Variants in DRC11 observed in about 807,000 individuals in gnomAD.
DRC11 encodes the protein IQ and AAA domain-containing protein 1.
At chr2:236,354,187 G>C in the DRC11 span, among the ~76,000 whole-genome samples, 176 of 151,734 alleles carry the variant, frequency 1.2e-3, no homozygotes, top group African/African-American at 3.8e-3. Flanking sequence ...GTATGTCTGT[G>C]GTCAATGTGT....
At chr2:236,416,759 ATATATATAT>A in the DRC11 span, among the ~76,000 whole-genome samples, 2 of 90,874 alleles carry the variant, frequency 2.2e-5, no homozygotes, top group African/African-American at 8.4e-5. Flanking sequence ...ATATATATAT[ATATATATAT>A]AAATAATTTT....
At chr2:236,498,863 T>A in the DRC11 span, among the ~76,000 whole-genome samples, 3 of 152,210 alleles carry the variant, frequency 2.0e-5, no homozygotes, top group Admixed American at 6.5e-5. Context: ...TTCAGGTGAT[T>A]TTTTTATTCT....
chr2:236,350,448 G>A, the DRC11 span, among the ~76,000 whole-genome samples: 1 of 152,232 alleles, frequency 6.6e-6, no homozygotes, highest in Non-Finnish European at 1.5e-5. The surrounding 1 kb of genome is among the most constrained non-coding windows in gnomAD (Gnocchi z 5.2). Flanking sequence ...TGAGGATAAC[G>A]ATACAACTGA....
chr2:236,428,646 T>C, the DRC11 span, among the ~76,000 whole-genome samples: 1 of 152,176 alleles, frequency 6.6e-6, no homozygotes, highest in South Asian at 2.1e-4. Flanking sequence ...AGTTAATCTC[T>C]TGTATGCAGC....
the DRC11 span, among the ~76,000 whole-genome samples, chr2:236,315,536 A>G: frequency 6.6e-6 from 1 of 152,236 alleles, no homozygotes; most frequent in Non-Finnish European, 1.5e-5. This position sits in a 1 kb window ranked among gnomAD's most constrained non-coding sequence, Gnocchi z 5.1. Flanking sequence ...TCATTCTATT[A>G]TAAAGATACA....
the DRC11 span, among the ~76,000 whole-genome samples, chr2:236,386,641 G>GT: frequency 4.6e-5 from 7 of 151,966 alleles, no homozygotes; most frequent in Admixed American, 3.9e-4. Flanking sequence ...TTTTTGAAGT[G>GT]TTTTTTGTGT....
the DRC11 span, among the ~76,000 whole-genome samples, chr2:236,309,568 T>C: frequency 6.6e-6 from 1 of 152,188 alleles, no homozygotes; most frequent in Non-Finnish European, 1.5e-5. This position sits in a 1 kb window ranked among gnomAD's most constrained non-coding sequence, Gnocchi z 5.7. Context: ...AACATTTACT[T>C]ACTGGAAATG....
At chr2:236,478,737 A>G in the DRC11 span, among the ~76,000 whole-genome samples, 1,458 of 151,248 alleles carry the variant, frequency 9.6e-3, 31 homozygotes, top group African/African-American at 0.033. This position sits in a 1 kb window ranked among gnomAD's most constrained non-coding sequence, Gnocchi z 5.9. Context: ...AGATATATTT[A>G]TAATTATTAT....
chr2:236,495,101 G>C, the DRC11 span, among the ~76,000 whole-genome samples: 34 of 152,172 alleles, frequency 2.2e-4, no homozygotes, highest in Non-Finnish European at 4.1e-4. This position sits in a 1 kb window ranked among gnomAD's most constrained non-coding sequence, Gnocchi z 5.6. Context: ...CCAGCACTTG[G>C]GGAGGCTGAG....
chr2:236,409,491 G>C, the DRC11 span, among the ~76,000 whole-genome samples: 20 of 152,220 alleles, frequency 1.3e-4, no homozygotes, highest in East Asian at 3.9e-3. Flanking sequence ...TTGCCTATCA[G>C]CTTAAAGAGA....
At chr2:236,393,759 T>C in the DRC11 span, among the ~76,000 whole-genome samples, 2 of 151,946 alleles carry the variant, frequency 1.3e-5, no homozygotes, top group African/African-American at 4.8e-5. The surrounding 1 kb of genome is among the most constrained non-coding windows in gnomAD (Gnocchi z 4.7). Context: ...TCAGAACTGG[T>C]GAATAGGCAG....
the DRC11 span, among the ~76,000 whole-genome samples, chr2:236,395,880 C>T: frequency 1.3e-5 from 2 of 152,144 alleles, no homozygotes; most frequent in Admixed American, 6.5e-5. Flanking sequence ...ACTAGATTCA[C>T]TAAAATCAGG....
chr2:236,445,408 C>T, the DRC11 span, among the ~76,000 whole-genome samples: 31 of 152,106 alleles, frequency 2.0e-4, no homozygotes, highest in African/African-American at 7.2e-4. This position sits in a 1 kb window ranked among gnomAD's most constrained non-coding sequence, Gnocchi z 4.8. Flanking sequence ...TATTGGCTCA[C>T]TGCAACCTCT....
the DRC11 span, among the ~76,000 whole-genome samples, chr2:236,316,045 T>C: frequency 6.6e-6 from 1 of 152,068 alleles, no homozygotes; most frequent in African/African-American, 2.4e-5. This position sits in a 1 kb window ranked among gnomAD's most constrained non-coding sequence, Gnocchi z 6.8. Context: ...GTCATAATCT[T>C]GAGGTAGGCA....
the DRC11 span, among the ~76,000 whole-genome samples, chr2:236,378,749 G>A: frequency 2.0e-5 from 3 of 151,642 alleles, no homozygotes; most frequent in African/African-American, 7.3e-5. Context: ...CTCAAGGGAT[G>A]GGACTCCGAG....
the DRC11 span, among the ~76,000 whole-genome samples, chr2:236,414,643 T>A: frequency 1.3e-5 from 2 of 152,284 alleles, no homozygotes; most frequent in Non-Finnish European, 2.9e-5. Context: ...TTTTGTGTTT[T>A]CTCTTCCACT....
chr2:236,498,431 T>C, the DRC11 span, among the ~76,000 whole-genome samples: 2 of 150,802 alleles, frequency 1.3e-5, no homozygotes, highest in South Asian at 2.1e-4. Context: ...TGCCGCTGCA[T>C]TCTAGCCTGG....
chr2:236,406,988 G>A, the DRC11 span, among the ~76,000 whole-genome samples: 6 of 152,030 alleles, frequency 3.9e-5, no homozygotes, highest in African/African-American at 7.2e-5. The surrounding 1 kb of genome is among the most constrained non-coding windows in gnomAD (Gnocchi z 4.7). Flanking sequence ...CTCGTGATCC[G>A]CCTGCCTCGG....
the DRC11 span, chr2:236,380,502 CG>C: frequency 7.8e-7 from 1 of 1,289,830 alleles, no homozygotes; most frequent in African/African-American, 1.5e-5. The surrounding 1 kb of genome is among the most constrained non-coding windows in gnomAD (Gnocchi z 4.9). Flanking sequence ...GGGGCGTACT[CG>C]GGGTTCCCTG....
Sources: allele counts gnomAD v4.1 joint callset (sites outside exome capture counted in the v4.1 genomes callset), GRCh38; gene constraint gnomAD v4.1.1; non-coding constraint Gnocchi (gnomAD v3.1); transcripts MANE v1.5; gene names NCBI Gene and HGNC (gene_info 2026-07-23, HGNC 2026-07-21).